The following NIPA1 variants were observed in gnomAD, a reference collection of about 807,000 sequenced individuals.
NIPA1 encodes the protein NIPA magnesium transporter 1, also known as magnesium transporter NIPA1.
Under a neutral mutation model 23.9 loss-of-function variants are expected in NIPA1, and 13 were observed. The ratio of observed to expected loss-of-function variants is 0.54; its 90% confidence interval spans 0.35 to 0.87. The LOEUF (loss-of-function observed/expected upper bound fraction) is 0.87, where lower values mean the gene tolerates loss of function less well. Among genes scored for constraint, NIPA1 ranks in the 40% least tolerant of loss-of-function variants. The pLI, the probability that NIPA1 is intolerant of heterozygous loss-of-function variation, is 0.01. For synonymous variants in NIPA1, 234 were observed against 202.9 expected (o/e 1.15, Z -1.30); for missense variants, 362 against 429.7 (o/e 0.84, Z 1.39).
chr15:22,794,685 G>T (rs144855777), intron 1 of NIPA1, among the ~76,000 whole-genome samples: 1 of 152,000 alleles, frequency 6.6e-6, no homozygotes, highest in African/African-American at 2.4e-5. Flanking sequence ...TTCCACACTT[G>T]CACTGGCTCT....
intron 1 of NIPA1, among the ~76,000 whole-genome samples, chr15:22,809,467 G>A (rs1895276191): frequency 6.6e-6 from 1 of 152,100 alleles, no homozygotes; most frequent in African/African-American, 2.4e-5. Flanking sequence ...ATGCTTAGCA[G>A]GCCAGGCGTG....
At chr15:22,823,305 C>T (rs60104678) in intron 4 of NIPA1, among the ~76,000 whole-genome samples, 1 of 151,582 alleles carries the variant, frequency 6.6e-6, no homozygotes, top group Non-Finnish European at 1.5e-5. Flanking sequence ...ACCTCCACCC[C>T]CTAGGTTCAA....
chr15:22,795,603 G>C (rs1894924978), intron 1 of NIPA1, among the ~76,000 whole-genome samples: 1 of 152,182 alleles, frequency 6.6e-6, no homozygotes, highest in Non-Finnish European at 1.5e-5. Context: ...TGGGAAGCCA[G>C]ACCCCTTCCA....
At position 22,820,492 on chromosome 15, in the gene NIPA1, C is replaced by T. The variant is rs1160776913; in HGVS notation, c.478+19C>T. ...AATCCAGGTAATTCCTTTCTAGCAG[C>T]ACTGCCAAGAAAGTTTGCAGTAGGA... On this transcript the variant is annotated intron_variant, in intron 4 of 4. Coordinates refer to ENST00000337435, the MANE Select transcript of NIPA1 (RefSeq NM_144599.5). 6.2e-7 allele frequency: 1 copy of T among 1,607,684 alleles called. No homozygotes were observed.
At chr15:22,813,276 T>A (rs1240899808) in intron 3 of NIPA1, among the ~76,000 whole-genome samples, 1 of 152,152 alleles carries the variant, frequency 6.6e-6, no homozygotes, top group Non-Finnish European at 1.5e-5. Context: ...GGCTTCTTTT[T>A]AAATTTTAAT....
chr15:22,824,071 G>T lies in NIPA1; in HGVS notation c.822G>T (p.Leu274=), dbSNP rs770087336. The change falls in exon 5 of 5, where the codon CTG becomes CTT. Residue 274 remains leucine, a synonymous_variant. Coordinates refer to ENST00000337435, the MANE Select transcript of NIPA1 (RefSeq NM_144599.5). The surrounding 1 kb of genome is among the most constrained non-coding windows in gnomAD (Gnocchi z 4.1). The part of the protein sequence containing the change: ...YYVVFTTLVL[L]ASAILFREWS... ...TCGTGTTTACCACGCTGGTCCTGCT[G>T]GCCTCAGCCATCCTCTTCCGGGAGT... is the stretch of plus-strand genomic sequence containing the variant. 1 of 1,614,112 alleles carries T rather than the reference G, an allele frequency of 6.2e-7. No homozygotes were observed. The highest frequency in any genetic ancestry group is 8.5e-7 in the Non-Finnish European group (1 of 1,179,976).
chr15:22,814,313 A>C (rs1224736006), intron 3 of NIPA1, among the ~76,000 whole-genome samples: 1 of 150,650 alleles, frequency 6.6e-6, no homozygotes, highest in African/African-American at 2.4e-5. Flanking sequence ...GCTGGAGTGC[A>C]GTGGCACGAT....
intron 4 of NIPA1, 142 bp downstream of exon 4, chr15:22,820,615 T>A (rs942682005): frequency 1.3e-6 from 1 of 772,334 alleles, no homozygotes. Flanking sequence ...ATCTGTGTTC[T>A]CTGGGAACGT....
Position 22,824,268 on chromosome 15 carries a change from G to A in NIPA1, c.*29G>A, listed in dbSNP as rs939742899. ...GCAATAGGAGCTTGGATGGTTCGAGGAATAGGCATTGGAGGTGGTTTCTGG... is the reference window on the plus strand; with the variant it reads ...GCAATAGGAGCTTGGATGGTTCGAGAAATAGGCATTGGAGGTGGTTTCTGG... On this transcript the variant is annotated 3_prime_UTR_variant, in exon 5 of 5. Transcript: ENST00000337435. The surrounding 1 kb of genome is among the most constrained non-coding windows in gnomAD (Gnocchi z 4.1). 4 of 1,594,750 alleles carry A rather than the reference G, an allele frequency of 2.5e-6. No homozygotes were observed. The highest frequency in any genetic ancestry group is 2.7e-5 in the African/African-American group (2 of 74,628).
At chr15:22,799,713 C>T (rs1171879766) in intron 1 of NIPA1, among the ~76,000 whole-genome samples, 13 of 150,034 alleles carry the variant, frequency 8.7e-5, no homozygotes, top group South Asian at 2.1e-4. Flanking sequence ...ACCCAGGAGG[C>T]GGAGGTTGCA....
At chr15:22,803,050 G>A (rs140421605) in intron 1 of NIPA1, among the ~76,000 whole-genome samples, 6,072 of 151,770 alleles carry the variant, frequency 0.04, 413 homozygotes, top group African/African-American at 0.14. Context: ...TCTGCCTACC[G>A]GGTTCAAGCG....
chr15:22,815,500 G>C (rs1172124078), intron 3 of NIPA1, among the ~76,000 whole-genome samples: 1 of 152,042 alleles, frequency 6.6e-6, no homozygotes, highest in Non-Finnish European at 1.5e-5. Context: ...AAATTATCCA[G>C]GTGTGGTGGC....
rs773318238 is a variant in NIPA1 at position 22,811,184 on chromosome 15, C to T, written c.226+388C>T. On this transcript the variant is annotated intron_variant, in intron 2 of 4. Transcript: ENST00000337435. ...TGTTAGGCTGCCTTGTTTTTCTCAG[C>T]ACAGTTGGTTTAACAGAGAATTTCA... is the stretch of plus-strand genomic sequence containing the variant. 1.5e-5 allele frequency: 4 copies of T among 264,754 alleles called. No homozygotes were observed. In the Admixed American group the frequency reaches 2.0e-4, roughly 13 times the overall value. 16.4% of individuals were successfully genotyped at this position (264,754 alleles called of 1,614,324 possible).
rs138394129 is a variant in NIPA1 at position 22,824,059 on chromosome 15, G to A, written c.810G>A (p.Thr270=). 64 of 1,614,108 alleles carry A rather than the reference G, an allele frequency of 4.0e-5. No individual in the cohort carries two copies. In the East Asian group the frequency reaches 8.2e-4, roughly 21 times the overall value. The change falls in exon 5 of 5, where the codon ACG becomes ACA. Residue 270 remains threonine, a synonymous_variant. Coordinates refer to ENST00000337435, the MANE Select transcript of NIPA1 (RefSeq NM_144599.5). The surrounding 1 kb of genome is among the most constrained non-coding windows in gnomAD (Gnocchi z 4.1). ...FGAIYYVVFT[T]LVLLASAILF... is the part of the protein sequence containing the mutation. ...CCATCTACTACGTCGTGTTTACCAC[G>A]CTGGTCCTGCTGGCCTCAGCCATCC...
chr15:22,806,114 G>A (rs368791831), intron 1 of NIPA1, among the ~76,000 whole-genome samples: 51 of 152,172 alleles, frequency 3.4e-4, no homozygotes, highest in African/African-American at 1.1e-3. Context: ...TAGCAGAGAC[G>A]GGGTTTCACC....
rs1895681773 is a variant in NIPA1, at chr15:22,827,828, GACACCTGGTCCGTGGAA to G, written c.*3593_*3609del. The G allele has an allele frequency of 6.6e-6, 1 of 152,138 alleles. No individual in the cohort carries two copies. The highest frequency in any genetic ancestry group is 1.5e-5 in the Non-Finnish European group (1 of 68,040). 9.4% of individuals were successfully genotyped at this position (152,138 alleles called of 1,614,324 possible). ...ATGCAGTGTCTCCCAGGTGTGCACG[GACACCTGGTCCGTGGAA>G]ACAGGTGTGATGGGCACAGGCTGCT... On this transcript the variant is annotated 3_prime_UTR_variant, in exon 5 of 5. Transcript: ENST00000337435.
At chr15:22,811,966 G>A (rs1043711350) in intron 2 of NIPA1, among the ~76,000 whole-genome samples, 197 bp from the exon 3 acceptor site, 3 of 152,202 alleles carry the variant, frequency 2.0e-5, no homozygotes, top group Non-Finnish European at 4.4e-5. Flanking sequence ...CTACTCACCC[G>A]ACTGATGGGA....
At chr15:22,787,054 C>A (rs952255966) in intron 1 of NIPA1, among the ~76,000 whole-genome samples, 2 of 151,876 alleles carry the variant, frequency 1.3e-5, no homozygotes, top group African/African-American at 4.8e-5. Flanking sequence ...ATCACAGGTG[C>A]GTCCTGAGCG....
Position 22,826,501 on chromosome 15 carries a change from A to T in NIPA1, c.*2262A>T, listed in dbSNP as rs1895656773. 6.6e-6 allele frequency: 1 copy of T among 152,310 alleles called. No individual in the cohort carries two copies. The highest frequency in any genetic ancestry group is 2.1e-4 in the South Asian group (1 of 4,832). 9.4% of individuals were successfully genotyped at this position (152,310 alleles called of 1,614,324 possible). On this transcript the variant is annotated 3_prime_UTR_variant, in exon 5 of 5. Coordinates refer to ENST00000337435, the MANE Select transcript of NIPA1 (RefSeq NM_144599.5). ...GGGGTGTGAGATATTCAAAGAATAC[A>T]TGTGGCTAACAAGTGTAATGAGAAA...
Sources: gnomAD v4.1 joint callset for allele counts (sites outside exome capture counted in the v4.1 genomes callset) on GRCh38, gnomAD v4.1.1 for gene constraint, Gnocchi (gnomAD v3.1) non-coding constraint, MANE v1.5 for transcripts, NCBI Gene and HGNC (gene_info 2026-07-23, HGNC 2026-07-21) for gene names.